LRP1B: variants seen among roughly 807,000 people sequenced by gnomAD.
LRP1B encodes the protein LDL receptor related protein 1B.
A neutral mutation model predicts 556.6 loss-of-function variants in LRP1B; 217 were observed. That is an observed-to-expected ratio of 0.39 (90% CI 0.35 to 0.44). LRP1B has a LOEUF of 0.44. Among genes scored for constraint, LRP1B ranks in the 20% least tolerant of loss-of-function variants. LRP1B has a pLI of 1.00. For missense variants in LRP1B, 5,053 were observed against 5,620.8 expected (o/e 0.90, Z 3.23); for synonymous variants, 2,047 against 1,865.8 (o/e 1.10, Z -2.50).
chr2:141,654,607 A>G (rs1574200242), intron 2 of LRP1B, among the ~76,000 whole-genome samples: 1 of 151,970 alleles, frequency 6.6e-6, no homozygotes, highest in African/African-American at 2.4e-5. Flanking sequence ...ACAGACATTT[A>G]GTAGAGAAGA....
intron 7 of LRP1B, among the ~76,000 whole-genome samples, chr2:141,125,858 A>AAC (rs1271717521): frequency 1.0e-4 from 15 of 150,620 alleles, no homozygotes; most frequent in East Asian, 3.9e-4. Context: ...AAAAAAAAAA[A>AAC]AAACAAAAAA....
intron 35 of LRP1B, among the ~76,000 whole-genome samples, chr2:140,739,429 C>T (rs769240837): frequency 6.6e-6 from 1 of 151,504 alleles, no homozygotes; most frequent in African/African-American, 2.4e-5. Context: ...GCACCAAAAG[C>T]TGAAACAAAG....
intron 2 of LRP1B, among the ~76,000 whole-genome samples, chr2:141,526,160 T>C (rs917017793): frequency 6.6e-6 from 1 of 152,044 alleles, no homozygotes; most frequent in Non-Finnish European, 1.5e-5. Context: ...ACAGAAACGT[T>C]GTTTTACCTA....
intron 2 of LRP1B, among the ~76,000 whole-genome samples, chr2:141,598,476 C>A (rs1481457702): frequency 6.6e-6 from 1 of 152,106 alleles, no homozygotes; most frequent in Non-Finnish European, 1.5e-5. Context: ...CTCTTCCTTA[C>A]TTTGTCTTCT....
At chr2:141,121,219 G>A (rs993613144) in intron 7 of LRP1B, among the ~76,000 whole-genome samples, 2 of 152,040 alleles carry the variant, frequency 1.3e-5, no homozygotes, top group Non-Finnish European at 2.9e-5. Context: ...ATCCATGTGA[G>A]TGTTAAACTC....
intron 20 of LRP1B, among the ~76,000 whole-genome samples, chr2:140,947,132 AC>A (rs1484582822): frequency 6.6e-6 from 1 of 152,194 alleles, no homozygotes; most frequent in Non-Finnish European, 1.5e-5. Context: ...AATACTCTTA[AC>A]AATAAACCTG....
intron 2 of LRP1B, among the ~76,000 whole-genome samples, chr2:141,747,907 A>G (rs1035213450): frequency 6.6e-6 from 1 of 152,286 alleles, no homozygotes; most frequent in East Asian, 1.9e-4. Context: ...ATCCATTTTT[A>G]TAGATGAAGA....
At chr2:140,360,618 C>G (rs567090041) in intron 72 of LRP1B, among the ~76,000 whole-genome samples, 1 of 151,690 alleles carries the variant, frequency 6.6e-6, no homozygotes, top group African/African-American at 2.4e-5. Flanking sequence ...CCAGCATAGT[C>G]TTTTAAGATC....
chr2:141,837,314 A>T (rs548739406), intron 1 of LRP1B, among the ~76,000 whole-genome samples: 1 of 152,124 alleles, frequency 6.6e-6, no homozygotes, highest in Non-Finnish European at 1.5e-5. Context: ...CTTTAAGAAG[A>T]TGCTTTTTCT....
rs138478438 is a variant in LRP1B at position 140,849,807 on chromosome 2, C to T, written c.4939+295G>A. ...CACCCGCCTCGGCCTCCCAAAGTGC[C>T]GGGATTACCGCTGTGAGCCACCGTG... On this transcript the variant is annotated intron_variant, in intron 29 of 90. Coordinates refer to ENST00000389484, the MANE Select transcript of LRP1B (RefSeq NM_018557.3). Among the ~76,000 whole-genome samples the T allele has an allele frequency of 5.7e-3, 869 of 152,002 alleles. 10 individuals carry two copies. The highest frequency in any genetic ancestry group is 0.02 in the African/African-American group (817 of 41,446).
intron 51 of LRP1B, among the ~76,000 whole-genome samples, chr2:140,511,292 CTTTTTTTTTTTTTT>C (rs70985101): frequency 6.8e-5 from 4 of 58,458 alleles, no homozygotes; most frequent in Non-Finnish European, 1.2e-4. Flanking sequence ...CTCTAAGGGT[CTTTTTTTTTTTTTT>C]TTTTTTTTTT....
intron 3 of LRP1B, among the ~76,000 whole-genome samples, chr2:141,263,509 G>A (rs922022762): frequency 1.3e-5 from 2 of 152,086 alleles, no homozygotes; most frequent in African/African-American, 4.8e-5. Context: ...AATTGAATTT[G>A]TGATTTAAAA....
At chr2:141,265,233 G>T (rs1437301044) in intron 3 of LRP1B, among the ~76,000 whole-genome samples, 4 of 152,190 alleles carry the variant, frequency 2.6e-5, no homozygotes, top group African/African-American at 7.2e-5. Flanking sequence ...AGAGGTGGAA[G>T]GACACACACC....
At chr2:141,074,091 T>C (rs1302944176) in intron 7 of LRP1B, among the ~76,000 whole-genome samples, 7 of 152,066 alleles carry the variant, frequency 4.6e-5, no homozygotes, top group Non-Finnish European at 1.0e-4. Flanking sequence ...GGTTTCTGCC[T>C]CTCTCTCCAG....
intron 3 of LRP1B, among the ~76,000 whole-genome samples, chr2:141,361,553 G>A (rs1055252949): frequency 3.9e-5 from 6 of 152,196 alleles, no homozygotes; most frequent in African/African-American, 1.2e-4. Flanking sequence ...AGAAATACTC[G>A]ACAGTAAAAC....
At chr2:141,295,469 A>G (rs1686145473) in intron 3 of LRP1B, among the ~76,000 whole-genome samples, 1 of 152,044 alleles carries the variant, frequency 6.6e-6, no homozygotes. Context: ...AGGGAGGAAA[A>G]AAAATTGTCA....
intron 84 of LRP1B, among the ~76,000 whole-genome samples, chr2:140,281,759 C>A (rs1682920842): frequency 6.6e-6 from 1 of 151,682 alleles, no homozygotes; most frequent in Non-Finnish European, 1.5e-5. Context: ...CAGTGCATAT[C>A]CCCAGGCATT....
At chr2:140,583,206 C>T (rs1174169758) in intron 43 of LRP1B, among the ~76,000 whole-genome samples, 1 of 123,420 alleles carries the variant, frequency 8.1e-6, no homozygotes, top group Non-Finnish European at 1.6e-5. Context: ...GACAGCATCT[C>T]TCTCTGTTGC....
intron 7 of LRP1B, among the ~76,000 whole-genome samples, chr2:141,087,232 T>A (rs1700069386): frequency 6.6e-6 from 1 of 152,032 alleles, no homozygotes; most frequent in Non-Finnish European, 1.5e-5. Flanking sequence ...AGGATGATGT[T>A]CATTCCTTCT....
Sources: gnomAD v4.1 joint callset for allele counts (sites outside exome capture counted in the v4.1 genomes callset) on GRCh38, gnomAD v4.1.1 for gene constraint, MANE v1.5 for transcripts, NCBI Gene and HGNC (gene_info 2026-07-23, HGNC 2026-07-21) for gene names.